Variants in SMAD6 observed in about 807,000 individuals in gnomAD.
The protein encoded by SMAD6 is SMAD family member 6.
In SMAD6, 103 loss-of-function variants were observed where a neutral mutation model predicts 39.4. The ratio of observed to expected loss-of-function variants is 2.62; its 90% CI spans 2.23 to 3.08. The LOEUF (loss-of-function observed/expected upper bound fraction) is 3.08. Ranked by LOEUF, SMAD6 falls within the 30% of genes most tolerant of loss-of-function variation. The pLI is 0.00. For synonymous variants in SMAD6, 445 were observed against 353.3 expected (o/e 1.26, Z -2.91); for missense variants, 1,104 against 742.9 (o/e 1.49, Z -5.65).
intron 3 of SMAD6, among the ~76,000 whole-genome samples, chr15:66,762,927 A>G (rs1894225690): frequency 6.6e-6 from 1 of 152,124 alleles, no homozygotes; most frequent in Admixed American, 6.5e-5. Flanking sequence ...GGAGTTCACC[A>G]ATATACCTGG....
intron 3 of SMAD6, among the ~76,000 whole-genome samples, chr15:66,749,175 A>G (rs753253343): frequency 8.7e-4 from 132 of 152,194 alleles, no homozygotes; most frequent in Non-Finnish European, 1.1e-3. Context: ...AAATACAAAA[A>G]CTGGCCAGGT....
rs1055162146 is a variant in SMAD6 at position 66,703,283 on chromosome 15, C to G, written c.25C>G (p.Leu9Val). 2.0e-6 allele frequency: 3 copies of G among 1,490,258 alleles called. No homozygotes were observed. The highest frequency in any genetic ancestry group is 1.5e-5 in the African/African-American group (1 of 68,434). 92.3% of individuals were successfully genotyped at this position (1,490,258 alleles called of 1,614,324 possible). A position where few individuals can be genotyped will look rare whatever the true frequency, so the allele number is the denominator to read the frequency against. The change falls in exon 1 of 4, where the codon CTG (leucine) becomes GTG (valine). Residue 9 changes from leucine to valine, a missense_variant. By Grantham distance (32) the Leu-to-Val change is conservative (BLOSUM62 1). Coordinates refer to ENST00000288840, the MANE Select transcript of SMAD6 (RefSeq NM_005585.5). MFRSKRSG[L>V]VRRLWRSRVV... is the part of the protein sequence containing the mutation. ...TATGTTCAGGTCCAAACGCTCGGGG[C>G]TGGTGCGGCGACTTTGGCGAAGTCG...
At chr15:66,720,851 G>A (rs1165618914) in intron 3 of SMAD6, among the ~76,000 whole-genome samples, 1 of 152,150 alleles carries the variant, frequency 6.6e-6, no homozygotes, top group Admixed American at 6.5e-5. Flanking sequence ...CACTGGGATC[G>A]CGCAGTCCTT....
Position 66,781,431 on chromosome 15 carries a change from A to C in SMAD6, c.1387A>C (p.Ser463Arg), listed in dbSNP as rs955917344. 6.2e-7 allele frequency: 1 copy of C among 1,605,176 alleles called. No homozygotes were observed. Among genetic ancestry groups the C allele is most frequent in the Non-Finnish European group, 8.5e-7 (1 of 1,178,342 alleles). Reference protein sequence around the residue: ...DAADGPYDPNSVRISFAKGWG... With the variant: ...DAADGPYDPNRVRISFAKGWG... The stretch of plus-strand genomic sequence containing the variant: ...CGCCGACGGCCCCTACGACCCCAAC[A>C]GCGTCCGCATCAGCTTCGCCAAGGG... The change falls in exon 4 of 4, where the codon AGC (serine) becomes CGC (arginine). Residue 463 changes from serine to arginine, a missense_variant. Ser to Arg is a moderately radical substitution (Grantham distance 110). Coordinates refer to ENST00000288840, the MANE Select transcript of SMAD6 (RefSeq NM_005585.5).
At chr15:66,757,639 A>G (rs566231564) in intron 3 of SMAD6, among the ~76,000 whole-genome samples, 1 of 152,212 alleles carries the variant, frequency 6.6e-6, no homozygotes, top group South Asian at 2.1e-4. Flanking sequence ...CTTAGCTCTG[A>G]CACTCTGGGG....
In SMAD6 at chr15:66,752,038, AC is replaced by A. The variant is rs1320640275; in HGVS notation, c.953-28957del. ...AATAAAACCCCCTTCATTTAATGGC[AC>A]CTTTTTTTTTTTTTTTTTTTCAGGC... On this transcript the variant is annotated intron_variant, in intron 3 of 3. Coordinates refer to ENST00000288840, the MANE Select transcript of SMAD6 (RefSeq NM_005585.5). Among the ~76,000 whole-genome samples the A allele has an allele frequency of 3.1e-4, 32 of 103,834 alleles. No individual in the cohort carries two copies. In the Admixed American group the frequency reaches 3.6e-3, roughly 12 times the overall value. 68.1% of individuals were successfully genotyped at this position (103,834 alleles called of 152,430 possible).
chr15:66,730,212 G>T (rs182536264), intron 3 of SMAD6, among the ~76,000 whole-genome samples: 11 of 152,358 alleles, frequency 7.2e-5, no homozygotes, highest in Non-Finnish European at 1.5e-4. Context: ...TTTTGACAGG[G>T]ATGGATGGAG....
At position 66,703,517 on chromosome 15, in the gene SMAD6, G is replaced by GGGGGCCCCCCGAGGCCCATGTCGGAGCCA; in HGVS notation, c.266_294dup (p.Gly99ProfsTer36). On this transcript the variant is annotated frameshift_variant, in exon 1 of 4. Coordinates refer to ENST00000288840, the MANE Select transcript of SMAD6 (RefSeq NM_005585.5). LOFTEE classifies it high-confidence loss of function. ...GGGCGCGGGGAGGCGCCGGCGCGCA[G>GGGGGCCCCCCGAGGCCCATGTCGGAGCCA]GGGGCCCCCCGAGGCCCATGTCGGA... is the stretch of plus-strand genomic sequence containing the variant. The GGGGGCCCCCCGAGGCCCATGTCGGAGCCA allele has an allele frequency of 8.2e-7, 1 of 1,222,166 alleles. No individual in the cohort carries two copies. Among genetic ancestry groups the GGGGGCCCCCCGAGGCCCATGTCGGAGCCA allele is most frequent in the Non-Finnish European group, 1.0e-6 (1 of 979,138 alleles). The allele number at this position is 1,222,166 out of a possible 1,614,324, so 75.7% of individuals were successfully genotyped here.
chr15:66,779,678 GAAGTGTT>G (rs1894525089), intron 3 of SMAD6, among the ~76,000 whole-genome samples: 1 of 152,260 alleles, frequency 6.6e-6, no homozygotes, highest in Non-Finnish European at 1.5e-5. Context: ...GAAGCTGTTA[GAAGTGTT>G]GTCCTCTGGG....
chr15:66,716,957 C>T, intron 3 of SMAD6: 1 of 1,286,140 alleles, frequency 7.8e-7, no homozygotes, highest in Non-Finnish European at 1.0e-6. Context: ...CAGGGAGGAT[C>T]TGGCAAGTGA....
intron 3 of SMAD6, among the ~76,000 whole-genome samples, chr15:66,764,158 C>A (rs146207770): frequency 6.6e-6 from 1 of 152,164 alleles, no homozygotes; most frequent in Non-Finnish European, 1.5e-5. Context: ...TAATATTTCC[C>A]GTTAGAGGTC....
chr15:66,710,947 G>A (rs566566518), intron 1 of SMAD6, among the ~76,000 whole-genome samples: 2 of 152,244 alleles, frequency 1.3e-5, no homozygotes, highest in South Asian at 4.1e-4. Context: ...GGCCTTTTGG[G>A]TCCTAACCCT....
intron 3 of SMAD6, among the ~76,000 whole-genome samples, chr15:66,726,909 A>C (rs1311109898): frequency 6.6e-6 from 1 of 151,856 alleles, no homozygotes; most frequent in Non-Finnish European, 1.5e-5. Context: ...TCTAATGCGC[A>C]GCCTGGGCTA....
At chr15:66,765,190 G>A (rs993514929) in intron 3 of SMAD6, among the ~76,000 whole-genome samples, 1 of 152,186 alleles carries the variant, frequency 6.6e-6, no homozygotes, top group African/African-American at 2.4e-5. Flanking sequence ...GCGAGTGGAT[G>A]AGGTGAGAAG....
At chr15:66,737,839 A>G (rs1338040409) in intron 3 of SMAD6, among the ~76,000 whole-genome samples, 1 of 152,116 alleles carries the variant, frequency 6.6e-6, no homozygotes, top group African/African-American at 2.4e-5. Flanking sequence ...CTGAGCCTCC[A>G]CTTCCCAGAA....
At position 66,780,852 on chromosome 15, in the gene SMAD6, C is replaced by T. The variant is rs79744621; in HGVS notation, c.953-145C>T. The T allele has an allele frequency of 0.01, 7,262 of 717,596 alleles. 472 individuals are homozygous for T. In the East Asian group the frequency reaches 0.15, roughly 14 times the overall value. The allele number at this position is 717,596 out of a possible 1,614,324, so 44.5% of individuals were successfully genotyped here. ...GTGCGCCATATTTCCTGAGGACAAC[C>T]TGGCACACGGTGCCCACATGACTGC... On this transcript the variant is annotated intron_variant, in intron 3 of 3. Coordinates refer to ENST00000288840, the MANE Select transcript of SMAD6 (RefSeq NM_005585.5).
Position 66,704,052 on chromosome 15 carries a change from A to G in SMAD6, c.794A>G (p.His265Arg). The G allele has an allele frequency of 2.0e-6, 3 of 1,503,310 alleles. No homozygotes were observed. Among genetic ancestry groups the G allele is most frequent in the South Asian group, 1.2e-5 (1 of 81,000 alleles). 93.1% of individuals were successfully genotyped at this position (1,503,310 alleles called of 1,614,324 possible). A position where few individuals can be genotyped will look rare whatever the true frequency, so the allele number is the denominator to read the frequency against. ...CCTACCGTGTGCTGCAACCCCTACC[A>G]CTTCAGCCGGCTCTGCGGGCCCGGT... ...DGPTVCCNPYHFSRLCGPESP... is the reference protein window; with the variant it reads ...DGPTVCCNPYRFSRLCGPESP... The change falls in exon 1 of 4, where the codon CAC (histidine) becomes CGC (arginine). Residue 265 changes from histidine to arginine, a missense_variant. Transcript: ENST00000288840.
intron 3 of SMAD6, among the ~76,000 whole-genome samples, chr15:66,727,985 C>T (rs1442234590): frequency 6.6e-6 from 1 of 152,040 alleles, no homozygotes; most frequent in Non-Finnish European, 1.5e-5. Context: ...CCCCAAGTAG[C>T]TGGGATTACA....
intron 3 of SMAD6, among the ~76,000 whole-genome samples, chr15:66,743,772 T>A (rs1035630409): frequency 6.6e-6 from 1 of 152,240 alleles, no homozygotes; most frequent in African/African-American, 2.4e-5. Flanking sequence ...AAATGGTCTC[T>A]ATGCAGCCAA....
Sources: gnomAD v4.1 joint callset for allele counts (sites outside exome capture counted in the v4.1 genomes callset) on GRCh38, gnomAD v4.1.1 for gene constraint, MANE v1.5 for transcripts, NCBI Gene and HGNC (gene_info 2026-07-23, HGNC 2026-07-21) for gene names.